DGKB: variants seen among roughly 807,000 people sequenced by gnomAD.
DGKB encodes diacylglycerol kinase beta.
In DGKB, 67 loss-of-function variants were observed where a neutral mutation model predicts 114.3. The ratio of observed to expected loss-of-function variants is 0.59; its 90% CI spans 0.48 to 0.72. DGKB has a LOEUF of 0.72. Ranked by LOEUF, DGKB falls within the 30% of genes least tolerant of loss-of-function variation. The probability of loss-of-function intolerance (pLI) is 0.00; values close to 1 mark genes in which losing one functional copy is unlikely to be tolerated. For synonymous variants in DGKB, 398 were observed against 323.1 expected, an observed-to-expected ratio of 1.23 and a Z score of -2.49; for missense variants, 907 against 975.2, an observed-to-expected ratio of 0.93 and a Z score of 0.93.
At chr7:14,910,304 AAGAAAGAAAGAAC>A (rs917761657) in intron 1 of DGKB, among the ~76,000 whole-genome samples, 1 of 132,440 alleles carries the variant, frequency 7.6e-6, no homozygotes, top group Admixed American at 7.6e-5. Flanking sequence ...GAAAGAAAGA[AAGAAAGAAAGAAC>A]CTTATATATT....
At chr7:14,433,659 C>T (rs1161351359) in intron 21 of DGKB, among the ~76,000 whole-genome samples, 1 of 151,998 alleles carries the variant, frequency 6.6e-6, no homozygotes, top group Non-Finnish European at 1.5e-5. Flanking sequence ...CCCCTTTTAA[C>T]TTTGGACAGA....
chr7:14,910,223 A>G (rs1279391190), intron 1 of DGKB, among the ~76,000 whole-genome samples: 1 of 150,108 alleles, frequency 6.7e-6, no homozygotes, highest in Admixed American at 6.7e-5. Flanking sequence ...CCTAGGTGAC[A>G]GAGCGAGACT....
At chr7:14,955,357 C>T (rs1029466583) in intron 1 of DGKB, among the ~76,000 whole-genome samples, 15 of 151,954 alleles carry the variant, frequency 9.9e-5, no homozygotes, top group African/African-American at 3.4e-4. Flanking sequence ...CTTTCAATTT[C>T]TAAAATGTTG....
At chr7:14,291,093 G>T (rs887182332) in intron 23 of DGKB, among the ~76,000 whole-genome samples, 3 of 146,470 alleles carry the variant, frequency 2.0e-5, no homozygotes, top group African/African-American at 7.8e-5. Flanking sequence ...AGTGAGCCGA[G>T]GTCATGCTAC....
chr7:14,722,591 A>G (rs988233453), intron 5 of DGKB, among the ~76,000 whole-genome samples: 2 of 152,244 alleles, frequency 1.3e-5, no homozygotes, highest in Non-Finnish European at 2.9e-5. Flanking sequence ...AGGTGGGAGG[A>G]TCACAAGGTG....
chr7:14,468,425 C>A (rs1436182723), intron 21 of DGKB, among the ~76,000 whole-genome samples: 1 of 151,900 alleles, frequency 6.6e-6, no homozygotes, highest in African/African-American at 2.4e-5. Context: ...CCATAAAACA[C>A]GAGATAAATT....
chr7:14,657,157 T>C (rs1816012064), intron 13 of DGKB, among the ~76,000 whole-genome samples: 1 of 151,778 alleles, frequency 6.6e-6, no homozygotes, highest in South Asian at 2.1e-4. Context: ...AAAATACATG[T>C]ACATGAAGAA....
At chr7:14,600,356 A>T (rs1274667570) in intron 17 of DGKB, among the ~76,000 whole-genome samples, 1 of 152,198 alleles carries the variant, frequency 6.6e-6, no homozygotes, top group Admixed American at 6.5e-5. Context: ...AGACACAAGT[A>T]TTCAAACCAT....
intron 21 of DGKB, among the ~76,000 whole-genome samples, chr7:14,462,774 G>A (rs1183969562): frequency 3.3e-5 from 5 of 152,162 alleles, no homozygotes; most frequent in Non-Finnish European, 7.4e-5. Flanking sequence ...AAAGGAGGCT[G>A]TATAGCCAAG....
rs945871928 is a variant in DGKB, at chr7:14,672,948, G to C, written c.1115C>G (p.Thr372Arg). Residue 372 changes from threonine to arginine, a missense_variant, in exon 13 of 26, where the codon ACA becomes AGA. By Grantham distance (71) the Thr-to-Arg change is moderately conservative. Transcript: ENST00000402815. ...ACTCACCAGTACCACTGGACAGATT[G>C]TTGTGGGTGGTAAAATATGGTCCTT... ...PLKDHILPPT[T>R]ICPVVLTLPT... 10 of 1,569,632 alleles carry C rather than the reference G, an allele frequency of 6.4e-6. No homozygotes were observed. The highest frequency in any genetic ancestry group is 8.7e-7 in the Non-Finnish European group (1 of 1,154,992).
intron 2 of DGKB, among the ~76,000 whole-genome samples, chr7:14,827,665 T>C (rs1845880218): frequency 6.6e-6 from 1 of 152,072 alleles, no homozygotes; most frequent in South Asian, 2.1e-4. Context: ...TTATTGTGCA[T>C]TGTTTATTTT....
At chr7:14,766,131 C>T (rs1331993733) in intron 2 of DGKB, among the ~76,000 whole-genome samples, 1 of 151,960 alleles carries the variant, frequency 6.6e-6, no homozygotes, top group Non-Finnish European at 1.5e-5. Flanking sequence ...GCTATGACTT[C>T]TTAATCATTC....
chr7:14,807,480 T>C (rs897259949), intron 2 of DGKB, among the ~76,000 whole-genome samples: 4 of 152,026 alleles, frequency 2.6e-5, no homozygotes, highest in African/African-American at 4.8e-5. Flanking sequence ...ATAAACATGG[T>C]TTTTCTCCTA....
intron 1 of DGKB, among the ~76,000 whole-genome samples, chr7:14,912,838 C>T (rs545054086): frequency 1.3e-5 from 2 of 152,322 alleles, no homozygotes; most frequent in East Asian, 3.9e-4. Context: ...CTCTTACCTA[C>T]AGATAGACCA....
chr7:14,408,409 G>T (rs1824305994), intron 21 of DGKB, among the ~76,000 whole-genome samples: 1 of 152,126 alleles, frequency 6.6e-6, no homozygotes, highest in African/African-American at 2.4e-5. Flanking sequence ...TAGCAATATG[G>T]GGAATACAGA....
intron 20 of DGKB, among the ~76,000 whole-genome samples, chr7:14,522,285 G>A (rs1789911752): frequency 6.6e-6 from 1 of 152,140 alleles, no homozygotes; most frequent in African/African-American, 2.4e-5. Context: ...AGGCCCAGGA[G>A]GTGTGGGTAG....
intron 1 of DGKB, among the ~76,000 whole-genome samples, chr7:14,968,191 A>G (rs1217294188): frequency 1.3e-5 from 2 of 151,300 alleles, no homozygotes; most frequent in East Asian, 3.9e-4. Context: ...ACATTAAAGT[A>G]TGGAGATTAT....
At chr7:14,883,056 T>G (rs969857542) in intron 1 of DGKB, among the ~76,000 whole-genome samples, 1 of 151,964 alleles carries the variant, frequency 6.6e-6, no homozygotes, top group Non-Finnish European at 1.5e-5. Flanking sequence ...AGAAAAGTTG[T>G]GTCATTTCTG....
intron 1 of DGKB, among the ~76,000 whole-genome samples, chr7:14,934,083 A>T (rs1587410158): frequency 6.6e-6 from 1 of 152,142 alleles, no homozygotes; most frequent in East Asian, 1.9e-4. Context: ...TCTGCAGAAG[A>T]TCAATTCCCT....
Sources: allele counts gnomAD v4.1 joint callset (sites outside exome capture counted in the v4.1 genomes callset), GRCh38; gene constraint gnomAD v4.1.1; transcripts MANE v1.5; gene names NCBI Gene and HGNC (gene_info 2026-07-23, HGNC 2026-07-21).